UGGT2: variants seen among roughly 807,000 people sequenced by gnomAD.
UGGT2 encodes the protein UDP-glucose:glycoprotein glucosyltransferase 2.
Under a neutral mutation model 192.1 loss-of-function variants are expected in UGGT2, and 180 were observed. The observed-to-expected ratio is 0.94, with a 90% CI of 0.83 to 1.06. UGGT2 has a LOEUF of 1.06. Ranked by LOEUF, UGGT2 falls within the 50% of genes least tolerant of loss-of-function variation. The pLI, the probability that UGGT2 is intolerant of heterozygous loss-of-function variation, is 0.00. For missense variants in UGGT2, 1,849 were observed against 1,795.7 expected (o/e 1.03, Z -0.54); for synonymous variants, 580 against 591.0 (o/e 0.98, Z 0.27).
chr13:95,847,928 A>C (rs1469554713), intron 36 of UGGT2, among the ~76,000 whole-genome samples: 1 of 152,260 alleles, frequency 6.6e-6, no homozygotes, highest in Non-Finnish European at 1.5e-5. Flanking sequence ...CTCAGCAATG[A>C]ACGCAAGTTC....
At chr13:95,898,459 A>G (rs192949447) in intron 22 of UGGT2, among the ~76,000 whole-genome samples, 217 of 152,154 alleles carry the variant, frequency 1.4e-3, no homozygotes, top group African/African-American at 4.8e-3. Context: ...CTTTGCATTC[A>G]CTGTACTCTG....
intron 5 of UGGT2, among the ~76,000 whole-genome samples, chr13:95,999,671 CAA>C (rs2051736290): frequency 6.6e-6 from 1 of 152,092 alleles, no homozygotes; most frequent in Admixed American, 6.5e-5. Flanking sequence ...TGGGGACCCC[CAA>C]AAGATTTGCT....
At chr13:96,051,169 C>T (rs1426442904) in intron 1 of UGGT2, among the ~76,000 whole-genome samples, 1 of 152,182 alleles carries the variant, frequency 6.6e-6, no homozygotes. Context: ...AGGATGAGTT[C>T]ATGTCCTTTG....
At chr13:95,854,595 A>T (rs919403345) in intron 34 of UGGT2, 120 bp from the exon 35 acceptor site, 65 of 816,080 alleles carry the variant, frequency 8.0e-5, no homozygotes, top group Non-Finnish European at 1.1e-4. Flanking sequence ...TTGTCCTCAC[A>T]GTGCTTTCAT....
At chr13:96,014,169 A>T (rs537148151) in intron 4 of UGGT2, among the ~76,000 whole-genome samples, 181 of 152,342 alleles carry the variant, frequency 1.2e-3, no homozygotes, top group African/African-American at 4.1e-3. Context: ...TCCAAAGCCC[A>T]TATGTTTTGG....
At chr13:96,005,779 A>T (rs1305713068) in intron 5 of UGGT2, among the ~76,000 whole-genome samples, 5 of 152,188 alleles carry the variant, frequency 3.3e-5, no homozygotes, top group Non-Finnish European at 7.3e-5. Context: ...GGCCAATCTA[A>T]CAAGGGTTGA....
At chr13:95,890,826 A>T in intron 25 of UGGT2, 36 bp downstream of exon 25, 1 of 1,538,170 alleles carries the variant, frequency 6.5e-7, no homozygotes, top group Non-Finnish European at 8.9e-7. Flanking sequence ...ATGAATTTAA[A>T]AACAAAAACA....
chr13:95,802,326 G>A (rs138949351), intron 38 of UGGT2, among the ~76,000 whole-genome samples: 333 of 152,256 alleles, frequency 2.2e-3, no homozygotes, highest in African/African-American at 7.5e-3. Flanking sequence ...GGTCTCTTCT[G>A]CATCACTGAG....
rs932128476 is a variant in UGGT2, at chr13:95,944,981, C to T, written c.1677+2056G>A. Among the ~76,000 whole-genome samples the T allele has an allele frequency of 4.6e-5, 7 of 151,954 alleles. No individual in the cohort carries two copies. In the East Asian group the frequency reaches 1.4e-3, roughly 29 times the overall value. ...TTGTATATTTTGAAGCTACATACAACTTTAGTACTTTTTCTTAAAGTTTAT... is the reference window on the plus strand; with the variant it reads ...TTGTATATTTTGAAGCTACATACAATTTTAGTACTTTTTCTTAAAGTTTAT... On this transcript the variant is annotated intron_variant, in intron 15 of 38. Coordinates refer to ENST00000376747, the MANE Select transcript of UGGT2 (RefSeq NM_020121.4).
At chr13:95,944,591 G>T (rs1345447861) in intron 15 of UGGT2, among the ~76,000 whole-genome samples, 1 of 151,960 alleles carries the variant, frequency 6.6e-6, no homozygotes, top group African/African-American at 2.4e-5. Flanking sequence ...TGTTTTTTCA[G>T]AATATCAACT....
chr13:95,899,926 TAA>T (rs2140278372), intron 22 of UGGT2, among the ~76,000 whole-genome samples: 2 of 152,172 alleles, frequency 1.3e-5, no homozygotes, highest in East Asian at 3.9e-4. Flanking sequence ...AACAAAACAT[TAA>T]GAGTGCATTA....
chr13:95,818,178 T>C (rs1208966731), intron 38 of UGGT2, among the ~76,000 whole-genome samples: 1 of 152,058 alleles, frequency 6.6e-6, no homozygotes, highest in Non-Finnish European at 1.5e-5. Context: ...CTGGGAGCAA[T>C]GGTGCACGCC....
At chr13:95,931,443 C>T (rs944958050) in intron 17 of UGGT2, among the ~76,000 whole-genome samples, 2 of 152,148 alleles carry the variant, frequency 1.3e-5, no homozygotes, top group Non-Finnish European at 2.9e-5. Context: ...ACCGGCACTC[C>T]TCAGCCCTTG....
intron 36 of UGGT2, among the ~76,000 whole-genome samples, chr13:95,842,450 T>C (rs554714128): frequency 1.3e-5 from 2 of 152,332 alleles, no homozygotes; most frequent in African/African-American, 2.4e-5. Flanking sequence ...TCTATGAATA[T>C]ACCATATCTT....
At position 95,903,027 on chromosome 13, in the gene UGGT2, AAAT is replaced by A; in HGVS notation, c.2326_2328del (p.Ile776del). The A allele has an allele frequency of 6.2e-7, 1 of 1,612,736 alleles. No homozygotes were observed. The highest frequency in any genetic ancestry group is 8.5e-7 in the Non-Finnish European group (1 of 1,179,526). ...TCATTTATTTTTGATGTAGGATTATAAATAATCCCCAACCGACTATGAACACTT... is the reference window on the plus strand; with the variant it reads ...TCATTTATTTTTGATGTAGGATTATAAATCCCCAACCGACTATGAACACTT... On this transcript the variant is annotated inframe_deletion, in exon 21 of 39. Transcript: ENST00000376747.
intron 26 of UGGT2, chr13:95,887,334 C>G (rs768298388): frequency 2.0e-6 from 1 of 511,812 alleles, no homozygotes; most frequent in Admixed American, 2.0e-5. Context: ...AAGAATGGCT[C>G]ATAATGAATG....
intron 38 of UGGT2, among the ~76,000 whole-genome samples, chr13:95,817,530 CTA>C (rs1465064872): frequency 2.0e-5 from 3 of 152,072 alleles, no homozygotes; most frequent in Non-Finnish European, 4.4e-5. Flanking sequence ...CTGCAGTGAG[CTA>C]TGATTGCCAC....
intron 7 of UGGT2, chr13:95,995,768 TG>T (rs1473010185): frequency 2.7e-6 from 1 of 368,966 alleles, no homozygotes; most frequent in Non-Finnish European, 4.9e-6. Flanking sequence ...ATTTATTTGA[TG>T]CTATAAAAAT....
intron 2 of UGGT2, among the ~76,000 whole-genome samples, chr13:96,027,870 A>G (rs1295297518): frequency 1.3e-5 from 2 of 152,218 alleles, no homozygotes; most frequent in Non-Finnish European, 2.9e-5. Flanking sequence ...TAGGTGCATA[A>G]TATTCATATT....
Sources: allele counts gnomAD v4.1 joint callset (sites outside exome capture counted in the v4.1 genomes callset), GRCh38; gene constraint gnomAD v4.1.1; transcripts MANE v1.5; gene names NCBI Gene and HGNC (gene_info 2026-07-23, HGNC 2026-07-21).